The following NRXN1 variants were observed in gnomAD, a reference collection of about 807,000 sequenced individuals.
The protein encoded by NRXN1 is neurexin 1.
In NRXN1, 39 loss-of-function variants were observed where a neutral mutation model predicts 150.9. That is an observed-to-expected ratio of 0.26 (90% CI 0.20 to 0.34). The LOEUF (loss-of-function observed/expected upper bound fraction) is 0.34. NRXN1 is among the 10% of genes least tolerant of loss of function. The probability of loss-of-function intolerance (pLI) is 1.00; values close to 1 mark genes in which losing one functional copy is unlikely to be tolerated. For synonymous variants in NRXN1, 924 were observed against 757.0 expected (o/e 1.22, Z -3.62); for missense variants, 1,815 against 1,949.9 (o/e 0.93, Z 1.30).
At chr2:50,765,384 G>A (rs909437633) in intron 5 of NRXN1, among the ~76,000 whole-genome samples, 1 of 152,002 alleles carries the variant, frequency 6.6e-6, no homozygotes. Flanking sequence ...AGACAAATGC[G>A]AATTGTCCCT....
At chr2:50,409,167 G>A (rs894175871) in intron 17 of NRXN1, among the ~76,000 whole-genome samples, 1 of 152,106 alleles carries the variant, frequency 6.6e-6, no homozygotes, top group Non-Finnish European at 1.5e-5. Flanking sequence ...GCCAAATGCT[G>A]TAAAATCTGT....
At chr2:49,938,147 T>C (rs1016145006) in intron 22 of NRXN1, among the ~76,000 whole-genome samples, 1 of 152,184 alleles carries the variant, frequency 6.6e-6, no homozygotes, top group African/African-American at 2.4e-5. Flanking sequence ...GCCTGAATTT[T>C]AGAGGAAAAA....
chr2:50,164,017 T>G (rs908193031), intron 18 of NRXN1, among the ~76,000 whole-genome samples: 1 of 152,224 alleles, frequency 6.6e-6, no homozygotes, highest in African/African-American at 2.4e-5. Flanking sequence ...TAGGCCATAC[T>G]GATTTACATT....
intron 5 of NRXN1, among the ~76,000 whole-genome samples, chr2:50,891,057 T>A (rs572475709): frequency 6.6e-6 from 1 of 152,120 alleles, no homozygotes; most frequent in South Asian, 2.1e-4. Flanking sequence ...AGATTTTTAC[T>A]TCTGGCCAAA....
intron 19 of NRXN1, among the ~76,000 whole-genome samples, chr2:50,086,845 A>AGAGAGAGAGAGAGAGAGAGAGG (rs4032305): frequency 1.3e-5 from 2 of 150,820 alleles, no homozygotes; most frequent in African/African-American, 5.0e-5. Context: ...AGAGAGAGAG[A>AGAGAGAGAGAGAGAGAGAGAGG]GAGAGCGAGC....
chr2:50,465,764 T>C (rs1237889393), intron 16 of NRXN1, among the ~76,000 whole-genome samples: 1 of 151,892 alleles, frequency 6.6e-6, no homozygotes, highest in African/African-American at 2.4e-5. Flanking sequence ...TAGGATAAAA[T>C]ACATTATAAT....
At chr2:50,757,208 G>C (rs765558857) in intron 5 of NRXN1, among the ~76,000 whole-genome samples, 3 of 151,804 alleles carry the variant, frequency 2.0e-5, no homozygotes, top group Non-Finnish European at 4.4e-5. Flanking sequence ...CTTCAGTCCA[G>C]ATTTAGGTAC....
At chr2:50,987,320 G>A (rs1054829355) in intron 2 of NRXN1, among the ~76,000 whole-genome samples, 14 of 151,784 alleles carry the variant, frequency 9.2e-5, no homozygotes, top group African/African-American at 3.4e-4. Flanking sequence ...CCACAAATCT[G>A]GATGATGTTG....
At chr2:50,190,492 CTTTA>C (rs2061373033) in intron 18 of NRXN1, among the ~76,000 whole-genome samples, 2 of 151,872 alleles carry the variant, frequency 1.3e-5, no homozygotes, top group African/African-American at 2.4e-5. Context: ...TTAACTAAGG[CTTTA>C]TTTGATAGCT....
intron 12 of NRXN1, among the ~76,000 whole-genome samples, chr2:50,517,471 T>C (rs1056299169): frequency 6.6e-6 from 1 of 152,108 alleles, no homozygotes; most frequent in African/African-American, 2.4e-5. Context: ...AAGTAGTTGA[T>C]GAAAAGTAAC....
intron 17 of NRXN1, among the ~76,000 whole-genome samples, chr2:50,391,674 G>T (rs1202249373): frequency 6.6e-6 from 1 of 152,086 alleles, no homozygotes; most frequent in Non-Finnish European, 1.5e-5. Context: ...AGATAGGCTG[G>T]CTTTTAGCAA....
chr2:50,491,518 G>A (rs1376293113), intron 15 of NRXN1, among the ~76,000 whole-genome samples: 1 of 152,260 alleles, frequency 6.6e-6, no homozygotes, highest in East Asian at 1.9e-4. Context: ...GAAGGTTGAG[G>A]AGGAGATAAA....
chr2:50,251,012 AATATTACATATTGTATAT>A (rs1233500983), intron 17 of NRXN1, among the ~76,000 whole-genome samples: 5 of 64,974 alleles, frequency 7.7e-5, no homozygotes, highest in African/African-American at 3.2e-4. Flanking sequence ...GCATATGTGT[AATATTACATATTGTATAT>A]GTAATAAATT....
chr2:50,224,755 G>C (rs1408980225), intron 18 of NRXN1, among the ~76,000 whole-genome samples: 1 of 150,824 alleles, frequency 6.6e-6, no homozygotes, highest in East Asian at 2.0e-4. Flanking sequence ...TGCCAGGGTA[G>C]TGGAGATTGA....
At chr2:50,307,799 G>T (rs962141552) in intron 17 of NRXN1, among the ~76,000 whole-genome samples, 2 of 151,854 alleles carry the variant, frequency 1.3e-5, no homozygotes, top group African/African-American at 4.8e-5. Context: ...CTTTTCCGTG[G>T]ATTTATACCC....
intron 15 of NRXN1, among the ~76,000 whole-genome samples, chr2:50,493,140 C>T (rs914159180): frequency 6.6e-6 from 1 of 152,190 alleles, no homozygotes; most frequent in African/African-American, 2.4e-5. Context: ...AGAATACAAT[C>T]TATTGACCAA....
At chr2:50,162,648 C>T (rs1478891199) in intron 18 of NRXN1, among the ~76,000 whole-genome samples, 2 of 152,160 alleles carry the variant, frequency 1.3e-5, no homozygotes, top group Admixed American at 6.6e-5. Context: ...ATATTACACA[C>T]ACACACAATG....
rs1000618080 is a variant in NRXN1 at position 49,922,190 on chromosome 2, C to T, written c.4278G>A (p.Glu1426=). ...PYPGSAEVIR[E]SSSTTGMVVG... is the part of the protein sequence containing the mutation. ...CGACCATACCCGTGGTGCTGCTGGACTCCCGGATCACTTCTGCTGAGCCTG... is the reference window on the plus strand; with the variant it reads ...CGACCATACCCGTGGTGCTGCTGGATTCCCGGATCACTTCTGCTGAGCCTG... The change falls in exon 23 of 23, where the codon GAG becomes GAA. Residue 1426 remains glutamate (E), a synonymous_variant. Coordinates refer to ENST00000401669, the MANE Select transcript of NRXN1 (RefSeq NM_001330078.2). 4 of 1,614,200 alleles carry T rather than the reference C, an allele frequency of 2.5e-6. No individual in the cohort carries two copies. The highest frequency in any genetic ancestry group is 3.4e-6 in the Non-Finnish European group (4 of 1,180,028).
chr2:50,305,708 T>G (rs2074551936), intron 17 of NRXN1, among the ~76,000 whole-genome samples: 1 of 152,216 alleles, frequency 6.6e-6, no homozygotes, highest in Admixed American at 6.5e-5. Flanking sequence ...TGGCTTGATA[T>G]TCTCATTAAT....
Sources: gnomAD v4.1 joint callset for allele counts (sites outside exome capture counted in the v4.1 genomes callset) on GRCh38, gnomAD v4.1.1 for gene constraint, MANE v1.5 for transcripts, NCBI Gene and HGNC (gene_info 2026-07-23, HGNC 2026-07-21) for gene names.